The following EGFLAM variants were observed in gnomAD, a reference collection of about 807,000 sequenced individuals.
The protein encoded by EGFLAM is pikachurin.
In EGFLAM, 79 loss-of-function variants were observed where a neutral mutation model predicts 113.1. The ratio of observed to expected loss-of-function variants is 0.70; its 90% CI spans 0.58 to 0.84. The LOEUF (loss-of-function observed/expected upper bound fraction) is 0.84, where lower values mean the gene tolerates loss of function less well. EGFLAM is among the 40% of genes least tolerant of loss of function. The pLI, the probability that EGFLAM is intolerant of heterozygous loss-of-function variation, is 0.00. For missense variants in EGFLAM, 1,265 were observed against 1,291.6 expected, an observed-to-expected ratio of 0.98 and a Z score of 0.32; for synonymous variants, 504 against 487.6, an observed-to-expected ratio of 1.03 and a Z score of -0.44.
chr5:38,337,253 T>C (rs949841803), intron 1 of EGFLAM, among the ~76,000 whole-genome samples: 2 of 152,190 alleles, frequency 1.3e-5, no homozygotes, highest in Non-Finnish European at 2.9e-5. Flanking sequence ...AATCTCCCTT[T>C]GCTGGTCCCT....
intron 6 of EGFLAM, among the ~76,000 whole-genome samples, chr5:38,376,634 C>T (rs1420762318): frequency 6.6e-6 from 1 of 152,184 alleles, no homozygotes; most frequent in Non-Finnish European, 1.5e-5. Flanking sequence ...GATCATGCCA[C>T]CAGCCTCCTC....
At chr5:38,407,419 G>A (rs1397144235) in intron 8 of EGFLAM, among the ~76,000 whole-genome samples, 2 of 152,166 alleles carry the variant, frequency 1.3e-5, no homozygotes, top group East Asian at 3.9e-4. Context: ...TAGAGAGGTA[G>A]GTTTTACTAT....
At chr5:38,352,005 G>A (rs1012054153) in intron 4 of EGFLAM, among the ~76,000 whole-genome samples, 191 bp from the exon 5 acceptor site, 1 of 152,094 alleles carries the variant, frequency 6.6e-6, no homozygotes, top group African/African-American at 2.4e-5. Flanking sequence ...TTGTGATTAT[G>A]TTTTTATATT....
intron 5 of EGFLAM, among the ~76,000 whole-genome samples, chr5:38,359,419 G>A (rs1440361287): frequency 6.6e-6 from 1 of 152,174 alleles, no homozygotes; most frequent in East Asian, 1.9e-4. Flanking sequence ...GCTCACGCCT[G>A]TAATCCTAGT....
chr5:38,290,368 C>T (rs558579226), intron 1 of EGFLAM, among the ~76,000 whole-genome samples: 1 of 152,310 alleles, frequency 6.6e-6, no homozygotes, highest in Non-Finnish European at 1.5e-5. Context: ...CACAAGCTGT[C>T]AGCCAGGATA....
At chr5:38,393,482 A>G (rs1168017875) in intron 6 of EGFLAM, among the ~76,000 whole-genome samples, 1 of 152,154 alleles carries the variant, frequency 6.6e-6, no homozygotes, top group Non-Finnish European at 1.5e-5. Context: ...GGAAGAGTGC[A>G]GGCACCAGAA....
At chr5:38,450,335 G>A (rs1342493122) in intron 18 of EGFLAM, among the ~76,000 whole-genome samples, 6 of 152,146 alleles carry the variant, frequency 3.9e-5, no homozygotes, top group East Asian at 1.9e-4. Context: ...CTGTTCTGAG[G>A]CCCTGCATGG....
At chr5:38,289,588 C>G (rs1460013617) in intron 1 of EGFLAM, among the ~76,000 whole-genome samples, 1 of 152,202 alleles carries the variant, frequency 6.6e-6, no homozygotes, top group Non-Finnish European at 1.5e-5. Flanking sequence ...GGATCTCACA[C>G]TGACAAATGT....
At chr5:38,439,167 T>C (rs1742452868) in intron 17 of EGFLAM, among the ~76,000 whole-genome samples, 1 of 151,984 alleles carries the variant, frequency 6.6e-6, no homozygotes, top group African/African-American at 2.4e-5. Flanking sequence ...AAAAATAAAA[T>C]CCATTAGCAG....
intron 6 of EGFLAM, among the ~76,000 whole-genome samples, chr5:38,400,613 G>T (rs76984834): frequency 0.029 from 4,470 of 152,334 alleles, 97 homozygotes; most frequent in Middle Eastern, 0.058. Flanking sequence ...GGAAAGAGAA[G>T]TAGTGAGGCT....
At chr5:38,303,025 T>C (rs908614203) in intron 1 of EGFLAM, among the ~76,000 whole-genome samples, 16 of 152,256 alleles carry the variant, frequency 1.1e-4, no homozygotes, top group African/African-American at 3.9e-4. Context: ...TGCAGCTGCT[T>C]GTGAGGAAAG....
chr5:38,267,223 G>T (rs533151827), intron 1 of EGFLAM, among the ~76,000 whole-genome samples: 1 of 152,274 alleles, frequency 6.6e-6, no homozygotes, highest in Non-Finnish European at 1.5e-5. Context: ...TGTGTTTGCT[G>T]ACAGGGCACC....
intron 3 of EGFLAM, among the ~76,000 whole-genome samples, chr5:38,346,159 G>C (rs903301643): frequency 3.3e-5 from 5 of 152,118 alleles, no homozygotes; most frequent in South Asian, 2.1e-4. Flanking sequence ...ATCCAGTAAA[G>C]AGTTCCAGAA....
At chr5:38,402,023 G>T (rs1741130184) in intron 6 of EGFLAM, 1 of 152,168 alleles carries the variant, frequency 6.6e-6, no homozygotes, top group Non-Finnish European at 1.5e-5. Context: ...TTGGTCTTCT[G>T]ATGGCACACA....
chr5:38,435,938 C>T (rs887529970), intron 16 of EGFLAM, among the ~76,000 whole-genome samples: 1 of 151,544 alleles, frequency 6.6e-6, no homozygotes, highest in Non-Finnish European at 1.5e-5. Flanking sequence ...CTGCCTTAGC[C>T]TCCCGAATAG....
At chr5:38,438,122 C>CAA (rs376621912) in intron 16 of EGFLAM, among the ~76,000 whole-genome samples, 153 bp from the exon 17 acceptor site, 7 of 97,390 alleles carry the variant, frequency 7.2e-5, no homozygotes, top group African/African-American at 1.6e-4. Flanking sequence ...ACTCCATCTC[C>CAA]AAAAAAAAAA....
At chr5:38,319,764 C>T (rs1738692854) in intron 1 of EGFLAM, among the ~76,000 whole-genome samples, 1 of 152,228 alleles carries the variant, frequency 6.6e-6, no homozygotes, top group African/African-American at 2.4e-5. Flanking sequence ...TGAAAAGACA[C>T]ATTTAGCAGG....
chr5:38,355,183 C>T (rs936882370), intron 5 of EGFLAM, among the ~76,000 whole-genome samples: 8 of 152,140 alleles, frequency 5.3e-5, no homozygotes, highest in African/African-American at 1.7e-4. Context: ...TGTAGGCAAC[C>T]GGGTCTTCAC....
intron 10 of EGFLAM, among the ~76,000 whole-genome samples, chr5:38,411,335 G>A (rs1741469713): frequency 6.6e-6 from 1 of 152,066 alleles, no homozygotes; most frequent in African/African-American, 2.4e-5. Flanking sequence ...GGCTGAGGTG[G>A]GAGAATCGCT....
Sources: gnomAD v4.1 joint callset for allele counts (sites outside exome capture counted in the v4.1 genomes callset) on GRCh38, gnomAD v4.1.1 for gene constraint, MANE v1.5 for transcripts, NCBI Gene and HGNC (gene_info 2026-07-23, HGNC 2026-07-21) for gene names.